The following DCC variants were observed in gnomAD, a reference collection of about 807,000 sequenced individuals.
DCC encodes the protein DCC netrin 1 receptor.
Under a neutral mutation model 172.5 loss-of-function variants are expected in DCC, and 58 were observed. The observed-to-expected ratio is 0.34, with a 90% CI of 0.27 to 0.42. DCC has a LOEUF of 0.42. DCC is among the 10% of genes least tolerant of loss of function. The probability of loss-of-function intolerance (pLI) is 1.00; values close to 1 mark genes in which losing one functional copy is unlikely to be tolerated. For missense variants in DCC, 1,740 were observed against 1,791.0 expected (o/e 0.97, Z 0.51); for synonymous variants, 709 against 644.5 (o/e 1.10, Z -1.52).
At chr18:52,576,402 T>C (rs1207995223) in intron 1 of DCC, among the ~76,000 whole-genome samples, 1 of 152,176 alleles carries the variant, frequency 6.6e-6, no homozygotes, top group Non-Finnish European at 1.5e-5. Flanking sequence ...AGAGTATATA[T>C]GTAGAATAAT....
chr18:53,054,659 G>T (rs1361885703), intron 5 of DCC, among the ~76,000 whole-genome samples: 1 of 152,052 alleles, frequency 6.6e-6, no homozygotes, highest in East Asian at 1.9e-4. Flanking sequence ...GGAAGAGCTG[G>T]AACTAAGGAA....
intron 1 of DCC, among the ~76,000 whole-genome samples, chr18:52,358,998 GACA>G (rs1005181123): frequency 6.6e-6 from 1 of 152,106 alleles, no homozygotes; most frequent in African/African-American, 2.4e-5. Context: ...AATCCTCCAT[GACA>G]ACAATTCATT....
intron 14 of DCC, among the ~76,000 whole-genome samples, chr18:53,324,876 A>G (rs1162996249): frequency 6.6e-6 from 1 of 151,984 alleles, no homozygotes; most frequent in East Asian, 1.9e-4. Context: ...TTTATGGGAG[A>G]CTAAGTTAAG....
intron 5 of DCC, among the ~76,000 whole-genome samples, chr18:53,002,406 C>T (rs1228632034): frequency 6.6e-6 from 1 of 152,044 alleles, no homozygotes; most frequent in Non-Finnish European, 1.5e-5. Flanking sequence ...TTATAAATGC[C>T]CCCTTTAGAT....
intron 2 of DCC, among the ~76,000 whole-genome samples, chr18:52,778,474 A>G (rs2037474706): frequency 6.6e-6 from 1 of 152,168 alleles, no homozygotes; most frequent in Admixed American, 6.5e-5. Context: ...AATGCAGTGA[A>G]ATGAAATAAC....
chr18:53,145,197 C>T (rs1056470113), intron 7 of DCC, among the ~76,000 whole-genome samples: 1 of 139,592 alleles, frequency 7.2e-6, no homozygotes, highest in Non-Finnish European at 1.5e-5. Flanking sequence ...TCACTGCAAG[C>T]TCCGCCTCCC....
At chr18:53,146,643 A>G (rs556900773) in intron 7 of DCC, among the ~76,000 whole-genome samples, 14 of 152,260 alleles carry the variant, frequency 9.2e-5, no homozygotes, top group African/African-American at 1.9e-4. Flanking sequence ...AGCCAATTCT[A>G]TAATTCTTTT....
At chr18:53,454,250 T>C (rs1388045712) in intron 23 of DCC, among the ~76,000 whole-genome samples, 10 of 152,042 alleles carry the variant, frequency 6.6e-5, no homozygotes, top group Admixed American at 6.6e-4. Context: ...GAGGCTGAGG[T>C]TGGGGGATCA....
chr18:52,784,632 C>G (rs74571033), intron 2 of DCC, among the ~76,000 whole-genome samples: 1 of 151,938 alleles, frequency 6.6e-6, no homozygotes, highest in Non-Finnish European at 1.5e-5. Flanking sequence ...AAGATCTTCT[C>G]ATTGTGGTTC....
Position 53,176,292 on chromosome 18 carries a change from C to G in DCC, c.1419-2670C>G, listed in dbSNP as rs2144466415. Among the ~76,000 whole-genome samples, 4 of 130,352 alleles carry G rather than the reference C, an allele frequency of 3.1e-5. No homozygotes were observed. The South Asian group carries it at 1.1e-3, about 37-fold the overall frequency. 85.5% of individuals were successfully genotyped at this position (130,352 alleles called of 152,430 possible). On this transcript the variant is annotated intron_variant, in intron 8 of 28. Coordinates refer to ENST00000442544, the MANE Select transcript of DCC (RefSeq NM_005215.4). ...GGCAAGGACTTCATGTCTAAAACAC[C>G]AAAAGCAATGGCAACAAAAGCCAAA...
chr18:52,359,665 A>G (rs1458440284), intron 1 of DCC, among the ~76,000 whole-genome samples: 1 of 152,220 alleles, frequency 6.6e-6, no homozygotes, highest in Non-Finnish European at 1.5e-5. Context: ...GCTTGAGTCC[A>G]TGGTGACTTC....
chr18:52,610,179 ATATAT>A (rs1424263599), intron 1 of DCC, among the ~76,000 whole-genome samples: 1 of 8,744 alleles, frequency 1.1e-4, no homozygotes, highest in Non-Finnish European at 1.8e-4. Context: ...AAAAAAAAAA[ATATAT>A]ATATATATAT....
At chr18:53,291,663 T>C (rs753194242) in intron 12 of DCC, among the ~76,000 whole-genome samples, 2 of 152,218 alleles carry the variant, frequency 1.3e-5, no homozygotes, top group African/African-American at 2.4e-5. Flanking sequence ...TTAGGTCTAG[T>C]TCCTACATCA....
chr18:53,241,833 A>G (rs1163893029), intron 12 of DCC, among the ~76,000 whole-genome samples: 1 of 152,162 alleles, frequency 6.6e-6, no homozygotes, highest in South Asian at 2.1e-4. Flanking sequence ...TTGACTGACC[A>G]TGGCCAGGTC....
chr18:52,775,041 G>C (rs74671490), intron 2 of DCC, among the ~76,000 whole-genome samples: 1 of 152,102 alleles, frequency 6.6e-6, no homozygotes, highest in East Asian at 1.9e-4. Flanking sequence ...GGGAAACAGA[G>C]CCTCTTACCA....
chr18:52,761,141 C>T (rs139350533), intron 2 of DCC, among the ~76,000 whole-genome samples: 5,211 of 152,202 alleles, frequency 0.034, 128 homozygotes, highest in Admixed American at 0.048. Flanking sequence ...ACAATCATGG[C>T]GGAAGGCAAG....
chr18:53,357,126 A>G (rs1305460875), intron 15 of DCC, among the ~76,000 whole-genome samples: 7 of 152,128 alleles, frequency 4.6e-5, no homozygotes, highest in African/African-American at 9.7e-5. Context: ...TGATTAAACA[A>G]TCATTTTATG....
At chr18:53,127,216 G>A (rs1261408238) in intron 7 of DCC, among the ~76,000 whole-genome samples, 6 of 147,092 alleles carry the variant, frequency 4.1e-5, no homozygotes, top group African/African-American at 2.5e-5. Flanking sequence ...TATGTTGCCC[G>A]GTCTGGTCTT....
At chr18:52,343,024 G>A (rs1983724734) in intron 1 of DCC, among the ~76,000 whole-genome samples, 2 of 152,158 alleles carry the variant, frequency 1.3e-5, no homozygotes, top group African/African-American at 4.8e-5. Flanking sequence ...GGGTTATGTT[G>A]GTGGATAGGC....
Sources: gnomAD v4.1 joint callset for allele counts (sites outside exome capture counted in the v4.1 genomes callset) on GRCh38, gnomAD v4.1.1 for gene constraint, MANE v1.5 for transcripts, NCBI Gene and HGNC (gene_info 2026-07-23, HGNC 2026-07-21) for gene names.